The following TMEM67 variants were observed in gnomAD, a reference collection of about 807,000 sequenced individuals.
TMEM67 encodes the protein transmembrane protein 67, also known as meckelin.
Under a neutral mutation model 136.6 loss-of-function variants are expected in TMEM67, and 124 were observed. That is an observed-to-expected ratio of 0.91 (90% CI 0.78 to 1.05). The LOEUF is 1.05. Among genes scored for constraint, TMEM67 ranks in the 50% least tolerant of loss-of-function variants. The pLI is 0.00. For missense variants in TMEM67, 1,107 were observed against 1,178.4 expected, an observed-to-expected ratio of 0.94 and a Z score of 0.89; for synonymous variants, 364 against 390.5, an observed-to-expected ratio of 0.93 and a Z score of 0.80.
intron 21 of TMEM67, among the ~76,000 whole-genome samples, chr8:93,801,633 C>T (rs750619773): frequency 5.3e-5 from 8 of 152,218 alleles, no homozygotes; most frequent in Non-Finnish European, 7.4e-5. Context: ...AACTCCTGAG[C>T]TCAAGCTATC....
the TMEM67 span, among the ~76,000 whole-genome samples, chr8:93,832,361 A>G: frequency 3.9e-5 from 6 of 152,264 alleles, no homozygotes; most frequent in African/African-American, 1.2e-4. Context: ...CATTGATACA[A>G]CCACCCCTTA....
At chr8:93,796,287 C>A (rs1351605880) in intron 18 of TMEM67, among the ~76,000 whole-genome samples, 1 of 152,124 alleles carries the variant, frequency 6.6e-6, no homozygotes, top group African/African-American at 2.4e-5. Context: ...GACAAAATGT[C>A]TTCAGGCATG....
Position 93,809,181 on chromosome 8 carries a change from T to C in TMEM67, c.2661+20T>C, listed in dbSNP as rs1808594512. The C allele has an allele frequency of 4.5e-6, 6 of 1,343,576 alleles. No homozygotes were observed. The highest frequency in any genetic ancestry group is 5.3e-6 in the Non-Finnish European group (5 of 935,288). 83.2% of individuals were successfully genotyped at this position (1,343,576 alleles called of 1,614,324 possible). A position where few individuals can be genotyped will look rare whatever the true frequency, so the allele number is the denominator to read the frequency against. On this transcript the variant is annotated intron_variant, in intron 25 of 27. Coordinates refer to ENST00000453321, the MANE Select transcript of TMEM67 (RefSeq NM_153704.6). Reference sequence around the variant, plus strand: ...GACCATGTATGTATGTCAACATTTATATTTAAGCTGGGATCAAATGCAATT... The same window carrying C: ...GACCATGTATGTATGTCAACATTTACATTTAAGCTGGGATCAAATGCAATT...
intron 11 of TMEM67, among the ~76,000 whole-genome samples, chr8:93,784,967 C>G (rs577438879): frequency 3.3e-5 from 5 of 152,200 alleles, no homozygotes; most frequent in South Asian, 2.1e-4. Flanking sequence ...AAGAAGTTCT[C>G]AAAATTCTCA....
chr8:93,762,140 A>G (rs1812871528), intron 3 of TMEM67: 1 of 152,162 alleles, frequency 6.6e-6, no homozygotes, highest in Non-Finnish European at 1.5e-5. Context: ...CTGTAGTCCC[A>G]GCTACTTGGG....
intron 26 of TMEM67, among the ~76,000 whole-genome samples, chr8:93,811,559 C>T (rs1808700741): frequency 1.3e-5 from 2 of 151,386 alleles, no homozygotes; most frequent in South Asian, 2.1e-4. Context: ...ATTTTTTTGC[C>T]CCACAAGATG....
intron 20 of TMEM67, among the ~76,000 whole-genome samples, chr8:93,798,721 A>T (rs891570321): frequency 1.3e-5 from 2 of 151,938 alleles, no homozygotes; most frequent in Non-Finnish European, 2.9e-5. Flanking sequence ...CTTTTATAAA[A>T]CTAGTAGAAG....
chr8:93,791,413 C>A, intron 15 of TMEM67, 94 bp downstream of exon 15: 1 of 835,156 alleles, frequency 1.2e-6, no homozygotes, highest in Non-Finnish European at 2.0e-6. Flanking sequence ...AATTTGCCAG[C>A]TATTCTTTCC....
chr8:93,785,267 A>G lies in TMEM67; in HGVS notation c.1177A>G (p.Ile393Val), dbSNP rs755280678. The change falls in exon 12 of 28, where the codon ATA (isoleucine) becomes GTA (valine). Residue 393 changes from isoleucine (I) to valine (V), a missense_variant. By Grantham distance (29) the Ile-to-Val change is conservative (BLOSUM62 3). This residue lies in a region of TMEM67 where 925 missense variants were observed against 1,002.4 expected (regional missense o/e 0.92). Transcript: ENST00000453321. ...GATCTTAATTGACTTTCCCACTCCT[A>G]TATTTTATGATGTGTACCTTGAATA... ...SKILIDFPTP[I>V]FYDVYLEYTD... 31 of 1,601,762 alleles carry G rather than the reference A, an allele frequency of 1.9e-5. No individual in the cohort carries two copies. Among genetic ancestry groups the G allele is most frequent in the African/African-American group, 4.0e-5 (3 of 74,616 alleles).
At chr8:93,818,915 C>T (rs1808995274), downstream of TMEM67, 1 of 356,302 alleles carries the variant, frequency 2.8e-6, no homozygotes, top group Admixed American at 4.0e-5. Context: ...CAGTCCTCCA[C>T]CTCAGCCTCC....
intron 1 of TMEM67, 42 bp downstream of exon 1, chr8:93,755,179 C>T (rs1423736898): frequency 4.5e-6 from 7 of 1,557,682 alleles, no homozygotes; most frequent in East Asian, 2.2e-5. Flanking sequence ...GTAACACTCC[C>T]GCCTTGGTCG....
At chr8:93,780,113 C>T (rs1425643822) in intron 7 of TMEM67, among the ~76,000 whole-genome samples, 1 of 152,034 alleles carries the variant, frequency 6.6e-6, no homozygotes, top group African/African-American at 2.4e-5. Flanking sequence ...AGCCTGCTGC[C>T]TGGCAGGTTG....
chr8:93,824,897 G>A, the TMEM67 span, among the ~76,000 whole-genome samples: 2 of 152,002 alleles, frequency 1.3e-5, no homozygotes, highest in African/African-American at 2.4e-5. Flanking sequence ...TGTATTTTTA[G>A]TAGAGACGGG....
intron 6 of TMEM67, among the ~76,000 whole-genome samples, chr8:93,767,863 C>CTTTTTTTTTTT (rs200241819): frequency 9.1e-6 from 1 of 109,918 alleles, no homozygotes; most frequent in Non-Finnish European, 1.8e-5. Flanking sequence ...TTTCTTTTTT[C>CTTTTTTTTTTT]TTTTTTTTTT....
chr8:93,772,730 T>G, intron 7 of TMEM67, 79 bp downstream of exon 7: 1 of 1,063,746 alleles, frequency 9.4e-7, no homozygotes, highest in South Asian at 1.4e-5. Context: ...ATAAAAGTTT[T>G]ATTTCTAAGT....
chr8:93,807,959 T>G (rs1586087885), intron 23 of TMEM67, among the ~76,000 whole-genome samples: 1 of 152,040 alleles, frequency 6.6e-6, no homozygotes, highest in East Asian at 1.9e-4. Context: ...GTTCATAACA[T>G]TAACTGTTTG....
downstream of TMEM67, among the ~76,000 whole-genome samples, chr8:93,822,420 C>T (rs1809054284): frequency 1.3e-5 from 2 of 152,220 alleles, no homozygotes; most frequent in Non-Finnish European, 1.5e-5. Flanking sequence ...TAATCTGTAA[C>T]TTTTGGTTGG....
chr8:93,783,398 A>G (rs1026987895), intron 11 of TMEM67, among the ~76,000 whole-genome samples: 1 of 152,326 alleles, frequency 6.6e-6, no homozygotes. Context: ...GAAATAAAGT[A>G]AAAATACTAC....
At chr8:93,765,678 T>C in intron 6 of TMEM67, 32 bp downstream of exon 6, 2 of 1,433,272 alleles carry the variant, frequency 1.4e-6, no homozygotes, top group Non-Finnish European at 2.0e-6. Flanking sequence ...TGTTCTGTTG[T>C]TAAAAAACTT....
Sources: allele counts gnomAD v4.1 joint callset (sites outside exome capture counted in the v4.1 genomes callset), GRCh38; gene constraint gnomAD v4.1.1; regional missense constraint gnomAD v4.1.1; transcripts MANE v1.5; gene names NCBI Gene and HGNC (gene_info 2026-07-23, HGNC 2026-07-21).